Variants in DTX2 observed in about 807,000 individuals in gnomAD.
DTX2 encodes the protein deltex E3 ubiquitin ligase 2.
In DTX2, 29 loss-of-function variants were observed where a neutral mutation model predicts 55.3. That is an observed-to-expected ratio of 0.52 (90% CI 0.39 to 0.71). The LOEUF (loss-of-function observed/expected upper bound fraction) is 0.71. DTX2 is among the 30% of genes least tolerant of loss of function. The probability of loss-of-function intolerance (pLI) is 0.00; values close to 1 mark genes in which losing one functional copy is unlikely to be tolerated. For synonymous variants in DTX2, 276 were observed against 340.4 expected (o/e 0.81, Z 2.08); for missense variants, 537 against 822.5 (o/e 0.65, Z 4.25).
At chr7:76,499,415 T>C (rs1480073707) in intron 6 of DTX2, among the ~76,000 whole-genome samples, 13 of 151,240 alleles carry the variant, frequency 8.6e-5, no homozygotes, top group Non-Finnish European at 1.5e-4. Context: ...CCTGGCCCTT[T>C]TTGGTGTAAA....
intron 10 of DTX2, among the ~76,000 whole-genome samples, 170 bp downstream of exon 10, chr7:76,504,615 A>T (rs1313682703): frequency 1.3e-5 from 2 of 152,092 alleles, no homozygotes; most frequent in Non-Finnish European, 1.5e-5. Flanking sequence ...GGCAGCCTGG[A>T]CCTCACATAG....
chr7:76,461,985 G>A (rs1453870348), intron 1 of DTX2, 149 bp downstream of exon 1: 1 of 148,928 alleles, frequency 6.7e-6, no homozygotes, highest in Non-Finnish European at 1.5e-5. Context: ...GGGACACCCG[G>A]GGGTCCCGGG....
chr7:76,502,832 G>A, intron 8 of DTX2: 2 of 277,534 alleles, frequency 7.2e-6, no homozygotes, highest in Non-Finnish European at 1.4e-5. Context: ...TCAGCACAGT[G>A]CTCATGAGGG....
chr7:76,482,655 G>C lies in DTX2; in HGVS notation c.416G>C (p.Gly139Ala). 1.9e-6 allele frequency: 3 copies of C among 1,613,860 alleles called. No individual in the cohort carries two copies. Among genetic ancestry groups the C allele is most frequent in the Non-Finnish European group, 2.5e-6 (3 of 1,179,812 alleles). ...CDYLEQQVAR[G>A]NQLVDLAPLG... Reference sequence around the variant, plus strand: ...TATCTGGAGCAGCAGGTGGCCAGGGGCAACCAGCTCGTGGACTTGGCCCCC... The same window carrying C: ...TATCTGGAGCAGCAGGTGGCCAGGGCCAACCAGCTCGTGGACTTGGCCCCC... Residue 139 changes from glycine (G) to alanine (A), a missense_variant, in exon 4 of 11, where the codon GGC becomes GCC. By Grantham distance (60) the Gly-to-Ala change is moderately conservative. This residue lies in a region of DTX2 where 301 missense variants were observed against 396.6 expected (regional missense o/e 0.76). Coordinates refer to ENST00000430490, the MANE Select transcript of DTX2 (RefSeq NM_001102594.3).
At position 76,480,425 on chromosome 7, in the gene DTX2, G is replaced by A; in HGVS notation, c.-85G>A. ...TCATGTCTGTCCTGTTCACAGATCT[G>A]CCGGAGGCGCTGGGCAATGACCCCG... On this transcript the variant is annotated 5_prime_UTR_variant, in exon 3 of 11. Coordinates refer to ENST00000430490, the MANE Select transcript of DTX2 (RefSeq NM_001102594.3). 7.2e-7 allele frequency: 1 copy of A among 1,385,404 alleles called. No homozygotes were observed. Among genetic ancestry groups the A allele is most frequent in the East Asian group, 2.4e-5 (1 of 41,466 alleles). 85.8% of individuals were successfully genotyped at this position (1,385,404 alleles called of 1,614,324 possible).
Position 76,480,406 on chromosome 7 carries a change from C to A in DTX2, c.-89-15C>A. 7.7e-7 allele frequency: 1 copy of A among 1,290,822 alleles called. No homozygotes were observed. Among genetic ancestry groups the A allele is most frequent in the Non-Finnish European group, 1.1e-6 (1 of 950,846 alleles). The allele number at this position is 1,290,822 out of a possible 1,614,324, so 80.0% of individuals were successfully genotyped here. Reference sequence around the variant, plus strand: ...GATGTGCATTGGTAACTGCTCATGTCTGTCCTGTTCACAGATCTGCCGGAG... The same window carrying A: ...GATGTGCATTGGTAACTGCTCATGTATGTCCTGTTCACAGATCTGCCGGAG... On this transcript the variant is annotated splice_polypyrimidine_tract_variant and intron_variant, in intron 2 of 10. Transcript: ENST00000430490.
Position 76,505,609 on chromosome 7 carries a change from C to T in DTX2, c.*8C>T, listed in dbSNP as rs929238954. ...TGCCTGGAGCAGCAGTGACCTCGCA[C>T]CCCAGCACGCCCGCCTCTGGTGGCC... On this transcript the variant is annotated 3_prime_UTR_variant, in exon 11 of 11. Transcript: ENST00000430490. This position sits in a 1 kb window ranked among gnomAD's most constrained non-coding sequence, Gnocchi z 4.4. The T allele has an allele frequency of 6.6e-6, 10 of 1,505,988 alleles. No individual in the cohort carries two copies. The Admixed American group carries it at 1.6e-4, about 24-fold the overall frequency. The allele number at this position is 1,505,988 out of a possible 1,614,324, so 93.3% of individuals were successfully genotyped here.
chr7:76,463,444 G>A (rs1474203862), intron 1 of DTX2, 101 bp from the exon 2 acceptor site: 1 of 152,240 alleles, frequency 6.6e-6, no homozygotes, highest in Non-Finnish European at 1.5e-5. Flanking sequence ...GTGATTTTCA[G>A]TCCCCAGGCA....
rs373052232 is a variant in DTX2 at position 76,483,152 on chromosome 7, C to G, written c.908+5C>G. 1 of 1,606,540 alleles carries G rather than the reference C, an allele frequency of 6.2e-7. No individual in the cohort carries two copies. On this transcript the variant is annotated splice_donor_5th_base_variant and intron_variant, in intron 4 of 10. Transcript: ENST00000430490. ...CTCCACCTCCGGTGCAGTCAGGTAT[C>G]GTGGGCAACGGCCGCTCGTTTTGTC...
intron 1 of DTX2, 111 bp from the exon 2 acceptor site, chr7:76,463,434 G>T (rs1396047234): frequency 6.6e-6 from 1 of 152,248 alleles, no homozygotes; most frequent in African/African-American, 2.4e-5. Flanking sequence ...AATAAATCTG[G>T]TGATTTTCAG....
rs774600298 is a variant in DTX2, at chr7:76,502,376, C to T, written c.1309C>T (p.Leu437=). Residue 437 remains leucine (L), a synonymous_variant, in exon 8 of 11, where the codon CTA becomes TTA. Transcript: ENST00000430490. The stretch of plus-strand genomic sequence containing the variant: ...GACTGACAGCAAGGCAATCGGGTCC[C>T]TAGCTGTGGGCCACCTCACCAAGTG... The part of the protein sequence containing the change: ...DVTDSKAIGS[L]AVGHLTKCSH... 2 of 1,612,532 alleles carry T rather than the reference C, an allele frequency of 1.2e-6. No individual in the cohort carries two copies. Among genetic ancestry groups the T allele is most frequent in the Non-Finnish European group, 1.7e-6 (2 of 1,179,928 alleles).
rs1812199092 is a variant in DTX2, at chr7:76,505,145, G to A, written c.1642-229G>A. ...GCATCAGGACCAAACGGATGGCAGT[G>A]CCAGGCACTGAGGCGGGGTGGGCTG... is the stretch of plus-strand genomic sequence containing the variant. On this transcript the variant is annotated intron_variant, in intron 10 of 10. Coordinates refer to ENST00000430490, the MANE Select transcript of DTX2 (RefSeq NM_001102594.3). This position sits in a 1 kb window ranked among gnomAD's most constrained non-coding sequence, Gnocchi z 4.4. Among the ~76,000 whole-genome samples, 2 of 152,110 alleles carry A rather than the reference G, an allele frequency of 1.3e-5. No individual in the cohort carries two copies. The highest frequency in any genetic ancestry group is 2.4e-5 in the African/African-American group (1 of 41,418).
Position 76,482,679 on chromosome 7 carries a change from C to T in DTX2, c.440C>T (p.Pro147Leu). 6.2e-7 allele frequency: 1 copy of T among 1,613,784 alleles called. No homozygotes were observed. The highest frequency in any genetic ancestry group is 1.1e-5 in the South Asian group (1 of 91,076). Reference sequence around the variant, plus strand: ...GGCAACCAGCTCGTGGACTTGGCCCCCCTGGGGTACAACTACACTGTCAAC... The same window carrying T: ...GGCAACCAGCTCGTGGACTTGGCCCTCCTGGGGTACAACTACACTGTCAAC... ...ARGNQLVDLA[P>L]LGYNYTVNYT... The change falls in exon 4 of 11, where the codon CCC (proline) becomes CTC (leucine). Residue 147 changes from proline to leucine, a missense_variant. Pro to Leu is a moderately conservative substitution (Grantham distance 98). This residue lies in a region of DTX2 where 301 missense variants were observed against 396.6 expected (regional missense o/e 0.76). Transcript: ENST00000430490.
At chr7:76,495,662 C>A (rs998319218) in intron 5 of DTX2, among the ~76,000 whole-genome samples, 2 of 149,858 alleles carry the variant, frequency 1.3e-5, no homozygotes, top group African/African-American at 4.9e-5. Flanking sequence ...TCCCAGGGAT[C>A]AGGCACTGCC....
At chr7:76,472,870 G>C (rs1213971985) in intron 2 of DTX2, among the ~76,000 whole-genome samples, 1 of 152,036 alleles carries the variant, frequency 6.6e-6, no homozygotes, top group Middle Eastern at 3.2e-3. Context: ...AGACAGTGCT[G>C]TAGTGAATAG....
chr7:76,503,249 C>G (rs1013928036), intron 8 of DTX2, 177 bp from the exon 9 acceptor site: 9 of 692,932 alleles, frequency 1.3e-5, no homozygotes, highest in Non-Finnish European at 2.1e-5. Flanking sequence ...GTTGCTGGTG[C>G]AAAACAAAGC....
Position 76,505,480 on chromosome 7 carries a change from A to C in DTX2, c.1748A>C (p.His583Pro). The change falls in exon 11 of 11, where the codon CAC (histidine) becomes CCC (proline). Residue 583 changes from histidine (H) to proline (P), a missense_variant. Physicochemically the swap from His to Pro is moderately conservative, Grantham distance 77. Around this residue, in one of 7 missense-constraint regions of DTX2, gnomAD observed 59 missense variants for 54.1 expected, o/e 1.09. Transcript: ENST00000430490. This position sits in a 1 kb window ranked among gnomAD's most constrained non-coding sequence, Gnocchi z 4.4. ...TDTVVWNEIH[H>P]KTEMDRNITG... ...ACCGTGGTATGGAACGAGATCCACC[A>C]CAAGACAGAGATGGACCGCAACATT... The C allele has an allele frequency of 3.1e-6, 5 of 1,609,652 alleles. No individual in the cohort carries two copies. Among genetic ancestry groups the C allele is most frequent in the Non-Finnish European group, 3.4e-6 (4 of 1,178,194 alleles).
intron 7 of DTX2, among the ~76,000 whole-genome samples, chr7:76,500,910 G>C (rs1242785852): frequency 9.9e-5 from 15 of 152,164 alleles, no homozygotes; most frequent in African/African-American, 3.6e-4. Context: ...GGGAGAGCTG[G>C]TCAAGGTTCT....
intron 2 of DTX2, among the ~76,000 whole-genome samples, chr7:76,468,745 C>T: frequency 1.7e-5 from 1 of 57,726 alleles, no homozygotes; most frequent in Non-Finnish European, 3.0e-5. Flanking sequence ...AGGCGTGAGC[C>T]ACCACGCCCA....
Sources: allele counts gnomAD v4.1 joint callset (sites outside exome capture counted in the v4.1 genomes callset), GRCh38; gene constraint gnomAD v4.1.1; regional missense constraint gnomAD v4.1.1; non-coding constraint Gnocchi (gnomAD v3.1); transcripts MANE v1.5; gene names NCBI Gene and HGNC (gene_info 2026-07-23, HGNC 2026-07-21).